Variants in TAF1A observed in about 807,000 individuals in gnomAD.
The protein encoded by TAF1A is TATA-box binding protein associated factor, RNA polymerase I subunit A.
Under a neutral mutation model 61.6 loss-of-function variants are expected in TAF1A, and 42 were observed. That is an observed-to-expected ratio of 0.68 (90% CI 0.53 to 0.88). The LOEUF is 0.88. Among genes scored for constraint, TAF1A ranks in the 40% least tolerant of loss-of-function variants. The probability of loss-of-function intolerance (pLI) is 0.00; values close to 1 mark genes in which losing one functional copy is unlikely to be tolerated. For missense variants in TAF1A, 424 were observed against 518.7 expected (o/e 0.82, Z 1.77); for synonymous variants, 179 against 177.7 (o/e 1.01, Z -0.06).
intron 7 of TAF1A, among the ~76,000 whole-genome samples, chr1:222,568,178 C>T (rs1292479886): frequency 9.9e-6 from 1 of 100,552 alleles, no homozygotes; most frequent in African/African-American, 4.3e-5. Flanking sequence ...TACAACACAT[C>T]TAGAAAAAAA....
rs1659791539 is a variant in TAF1A, at chr1:222,558,553, T to C, written c.*107A>G. The stretch of plus-strand genomic sequence containing the variant: ...ATATAAAAATATATAAAAATAAGTT[T>C]TTTGTAGTAATATAAGCTTCTTAAT... On this transcript the variant is annotated 3_prime_UTR_variant, in exon 11 of 11. Transcript: ENST00000352967. The C allele has an allele frequency of 4.6e-6, 2 of 432,684 alleles. No individual in the cohort carries two copies. Among genetic ancestry groups the C allele is most frequent in the Non-Finnish European group, 7.9e-6 (2 of 253,452 alleles). 26.8% of individuals were successfully genotyped at this position (432,684 alleles called of 1,614,324 possible). A position where few individuals can be genotyped will look rare whatever the true frequency, so the allele number is the denominator to read the frequency against.
downstream of TAF1A, among the ~76,000 whole-genome samples, chr1:222,557,284 T>C (rs10495192): frequency 0.043 from 6,494 of 152,220 alleles, 419 homozygotes; most frequent in African/African-American, 0.14. Flanking sequence ...TTCCAACATA[T>C]TATAAAGCTC....
rs550590820 is a variant in TAF1A at position 222,578,215 on chromosome 1, T to C, written c.406-572A>G. Among the ~76,000 whole-genome samples the C allele has an allele frequency of 4.6e-5, 7 of 152,276 alleles. No individual in the cohort carries two copies. In the South Asian group the frequency reaches 1.0e-3, roughly 23 times the overall value. ...ACAGGAGAAGCAGGAAGAAAAATTA[T>C]ACAAAGAATGAGTATTACAAAAAGG... On this transcript the variant is annotated intron_variant, in intron 4 of 10. Coordinates refer to ENST00000352967, the MANE Select transcript of TAF1A (RefSeq NM_005681.4).
intron 10 of TAF1A, among the ~76,000 whole-genome samples, chr1:222,560,306 G>C (rs978102460): frequency 4.6e-5 from 7 of 152,186 alleles, no homozygotes; most frequent in Non-Finnish European, 8.8e-5. Flanking sequence ...AGTAACTGAT[G>C]CCTGATATTT....
At chr1:222,582,572 G>A (rs1660828041) in intron 3 of TAF1A, among the ~76,000 whole-genome samples, 1 of 152,106 alleles carries the variant, frequency 6.6e-6, no homozygotes, top group Non-Finnish European at 1.5e-5. Context: ...GTTACCATAT[G>A]ACCAGCAATT....
chr1:222,563,716 G>A lies in TAF1A; in HGVS notation c.961+343C>T, dbSNP rs181330147. 1.1e-3 allele frequency among the ~76,000 whole-genome samples: 163 copies of A among 152,332 alleles called. 1 individual carries two copies. The highest frequency in any genetic ancestry group is 3.8e-3 in the African/African-American group (156 of 41,578). ...GCTCTCTTCTATGGTGTGCTGAAAT[G>A]TAGCAGGGATTAAAATGGAGTGAAT... On this transcript the variant is annotated intron_variant, in intron 8 of 10. Coordinates refer to ENST00000352967, the MANE Select transcript of TAF1A (RefSeq NM_005681.4).
chr1:222,556,092 C>T (rs930556721), downstream of TAF1A, among the ~76,000 whole-genome samples: 2 of 152,062 alleles, frequency 1.3e-5, no homozygotes, highest in African/African-American at 4.8e-5. Context: ...TGTAAGAGTA[C>T]ATCTGGTTAT....
chr1:222,555,210 A>C (rs896917244), downstream of TAF1A, among the ~76,000 whole-genome samples: 1 of 152,230 alleles, frequency 6.6e-6, no homozygotes, highest in Non-Finnish European at 1.5e-5. Context: ...TATGGAAAAC[A>C]ATATGGAGGT....
Position 222,589,873 on chromosome 1 carries a change from C to G in TAF1A, c.-149G>C, listed in dbSNP as rs3008650. 0.18 allele frequency: 69,787 copies of G among 395,270 alleles called. 7,620 individuals are homozygous for G. Among genetic ancestry groups the G allele is most frequent in the African/African-American group, 0.4 (19,331 of 48,600 alleles). 24.5% of individuals were successfully genotyped at this position (395,270 alleles called of 1,614,324 possible). On this transcript the variant is annotated 5_prime_UTR_variant, in exon 1 of 11. Coordinates refer to ENST00000352967, the MANE Select transcript of TAF1A (RefSeq NM_005681.4). Reference sequence around the variant, plus strand: ...TTAGGTATTTAGGCAGCGCGCGGCCCGGCTCGTAACTCCTCCTGCTGCAGC... The same window carrying G: ...TTAGGTATTTAGGCAGCGCGCGGCCGGGCTCGTAACTCCTCCTGCTGCAGC...
chr1:222,584,395 T>A, intron 2 of TAF1A, 98 bp from the exon 3 acceptor site: 2 of 1,160,474 alleles, frequency 1.7e-6, no homozygotes, highest in Non-Finnish European at 2.4e-6. Flanking sequence ...AAGTAAACAG[T>A]AGGCATTACT....
intron 6 of TAF1A, 92 bp downstream of exon 6, chr1:222,570,443 G>C (rs1660303520): frequency 7.8e-6 from 10 of 1,282,656 alleles, no homozygotes; most frequent in Non-Finnish European, 9.4e-6. Context: ...TTTTCCATTA[G>C]TTTCTTTCTG....
At position 222,579,865 on chromosome 1, in the gene TAF1A, C is replaced by T. The variant is rs757122582; in HGVS notation, c.299G>A (p.Trp100Ter). The change falls in exon 4 of 11, where the codon TGG (tryptophan) becomes TAG (stop). Residue 100 changes from tryptophan (W) to a stop codon, truncating the protein, a stop_gained. Transcript: ENST00000352967. LOFTEE classifies it high-confidence loss of function. ...AAATAGAATTTCACTTCCGAGCTTC[C>T]AAATAATCTGTCAAAGCAGAAATTA... ...YKRQAAPEII[W>*]KLGSEILFYH... is the part of the protein sequence containing the mutation. 1.2e-6 allele frequency: 2 copies of T among 1,602,674 alleles called. No individual in the cohort carries two copies. Among genetic ancestry groups the T allele is most frequent in the Admixed American group, 3.5e-5 (2 of 56,910 alleles).
downstream of TAF1A, among the ~76,000 whole-genome samples, chr1:222,556,143 A>G (rs1571786179): frequency 6.6e-6 from 1 of 152,000 alleles, no homozygotes; most frequent in African/African-American, 2.4e-5. Flanking sequence ...CAGACATCTC[A>G]TGTGTAAGAA....
At chr1:222,563,532 G>T (rs1456828543) in intron 8 of TAF1A, among the ~76,000 whole-genome samples, 1 of 152,164 alleles carries the variant, frequency 6.6e-6, no homozygotes, top group Non-Finnish European at 1.5e-5. Context: ...TGGTGAATTT[G>T]ATCTCAATAT....
intron 3 of TAF1A, among the ~76,000 whole-genome samples, chr1:222,581,564 A>G (rs185795515): frequency 6.6e-6 from 1 of 152,310 alleles, no homozygotes; most frequent in East Asian, 1.9e-4. Context: ...ATAACCAAGA[A>G]ATATAATTAA....
chr1:222,573,120 T>C (rs527333577), intron 5 of TAF1A, among the ~76,000 whole-genome samples: 1 of 152,030 alleles, frequency 6.6e-6, no homozygotes, highest in Non-Finnish European at 1.5e-5. Context: ...AACACAAAAA[T>C]TAGCTGGGCG....
intron 2 of TAF1A, among the ~76,000 whole-genome samples, chr1:222,587,192 G>A (rs1661049743): frequency 6.6e-6 from 1 of 152,114 alleles, no homozygotes; most frequent in Non-Finnish European, 1.5e-5. Flanking sequence ...GAGAGGAAAG[G>A]CACTATTATT....
intron 5 of TAF1A, among the ~76,000 whole-genome samples, chr1:222,576,132 T>C (rs1281573898): frequency 6.6e-6 from 1 of 152,128 alleles, no homozygotes; most frequent in Non-Finnish European, 1.5e-5. Flanking sequence ...AATAGCCAAA[T>C]GATTCAGGCT....
intron 5 of TAF1A, among the ~76,000 whole-genome samples, chr1:222,571,638 A>G (rs1660355778): frequency 1.3e-5 from 2 of 152,096 alleles, no homozygotes; most frequent in South Asian, 4.1e-4. Flanking sequence ...CAAAAGCATC[A>G]AAAGTAACAA....
Sources: allele counts gnomAD v4.1 joint callset (sites outside exome capture counted in the v4.1 genomes callset), GRCh38; gene constraint gnomAD v4.1.1; transcripts MANE v1.5; gene names NCBI Gene and HGNC (gene_info 2026-07-23, HGNC 2026-07-21).